LAMC1: variants seen among roughly 807,000 people sequenced by gnomAD.
LAMC1 encodes the protein laminin subunit gamma 1, also known as laminin subunit gamma-1.
In LAMC1, 38 loss-of-function variants were observed where a neutral mutation model predicts 173.6. That is an observed-to-expected ratio of 0.22 (90% CI 0.17 to 0.29). LAMC1 has a LOEUF of 0.29. LAMC1 is among the 10% of genes least tolerant of loss of function. The probability of loss-of-function intolerance (pLI) is 1.00; values close to 1 mark genes in which losing one functional copy is unlikely to be tolerated. For missense variants in LAMC1, 1,824 were observed against 2,051.8 expected (o/e 0.89, Z 2.14); for synonymous variants, 746 against 749.1 (o/e 1.00, Z 0.07).
At chr1:183,075,005 A>G (rs1409614725) in intron 1 of LAMC1, among the ~76,000 whole-genome samples, 2 of 152,130 alleles carry the variant, frequency 1.3e-5, no homozygotes, top group African/African-American at 4.8e-5. Flanking sequence ...AGATTTGCCC[A>G]CTGCTTATAT....
chr1:183,132,329 A>G, intron 20 of LAMC1, 71 bp from the exon 21 acceptor site: 1 of 1,008,558 alleles, frequency 9.9e-7, no homozygotes, highest in Non-Finnish European at 1.5e-6. Context: ...TAAAGTAAGC[A>G]TTACCTGAAT....
intron 1 of LAMC1, among the ~76,000 whole-genome samples, chr1:183,052,264 A>G (rs1005486197): frequency 1.3e-5 from 2 of 151,510 alleles, no homozygotes; most frequent in Non-Finnish European, 2.9e-5. Context: ...TCCTCTTCCC[A>G]TCTCTCCCAA....
chr1:183,055,641 A>G (rs1571412382), intron 1 of LAMC1, among the ~76,000 whole-genome samples: 1 of 151,898 alleles, frequency 6.6e-6, no homozygotes, highest in Admixed American at 6.6e-5. Flanking sequence ...GTGAAACCCC[A>G]TCTGTACTAA....
chr1:183,075,899 G>A (rs1293344420), intron 1 of LAMC1, among the ~76,000 whole-genome samples: 1 of 152,110 alleles, frequency 6.6e-6, no homozygotes, highest in Non-Finnish European at 1.5e-5. Flanking sequence ...TTGAGTTCTG[G>A]GTATTTGAAA....
At chr1:183,133,600 C>T in intron 22 of LAMC1, 50 bp downstream of exon 22, 2 of 1,534,750 alleles carry the variant, frequency 1.3e-6, no homozygotes, top group Non-Finnish European at 1.8e-6. Flanking sequence ...TCCCCCAAGT[C>T]TATGTGAGAG....
At chr1:183,111,431 A>C (rs1236302079) in intron 4 of LAMC1, among the ~76,000 whole-genome samples, 17 of 152,128 alleles carry the variant, frequency 1.1e-4, no homozygotes, top group Admixed American at 1.1e-3. Context: ...ATCTCACTGA[A>C]GAGTACAACG....
At chr1:183,055,811 CAAAAAAAAGAA>C (rs1654575944) in intron 1 of LAMC1, among the ~76,000 whole-genome samples, 1 of 143,026 alleles carries the variant, frequency 7.0e-6, no homozygotes, top group African/African-American at 2.6e-5. Flanking sequence ...GACTCCGTCT[CAAAAAAAAGAA>C]AAAAAAAAGA....
At chr1:183,096,938 C>T (rs1445477492) in intron 1 of LAMC1, among the ~76,000 whole-genome samples, 1 of 152,208 alleles carries the variant, frequency 6.6e-6, no homozygotes, top group Non-Finnish European at 1.5e-5. Flanking sequence ...GGAGTGACTG[C>T]ACTGTACCAG....
chr1:183,090,301 A>G (rs1331010252), intron 1 of LAMC1, among the ~76,000 whole-genome samples: 1 of 152,224 alleles, frequency 6.6e-6, no homozygotes, highest in East Asian at 1.9e-4. Flanking sequence ...GGGGGATTAC[A>G]TACATTTTAG....
At chr1:183,107,596 C>T (rs953648839) in intron 2 of LAMC1, among the ~76,000 whole-genome samples, 168 of 152,120 alleles carry the variant, frequency 1.1e-3, no homozygotes, top group African/African-American at 4.0e-3. Flanking sequence ...TTTGGGAGGC[C>T]GAGGCGGGTG....
At chr1:183,025,315 C>T (rs1653657904) in intron 1 of LAMC1, among the ~76,000 whole-genome samples, 1 of 139,182 alleles carries the variant, frequency 7.2e-6, no homozygotes, top group Admixed American at 7.7e-5. Flanking sequence ...ATCAGGATTC[C>T]AGAGAAAGAA....
chr1:183,127,274 A>G lies in LAMC1; in HGVS notation c.2993A>G (p.Asp998Gly). Reference protein sequence around the residue: ...EGSLSLQCKDDGRCECREGFV... With the variant: ...EGSLSLQCKDGGRCECREGFV... ...TCTCTTTCACTTCAGTGCAAAGATG[A>G]TGGTCGCTGTGAATGCAGAGAAGGC... The change falls in exon 17 of 28, where the codon GAT becomes GGT. Residue 998 changes from aspartate (D) to glycine (G), a missense_variant. Asp to Gly is a moderately conservative substitution (Grantham distance 94). Coordinates refer to ENST00000258341, the MANE Select transcript of LAMC1 (RefSeq NM_002293.4). 1 of 1,614,184 alleles carries G rather than the reference A, an allele frequency of 6.2e-7. No homozygotes were observed. The highest frequency in any genetic ancestry group is 8.5e-7 in the Non-Finnish European group (1 of 1,180,034).
In LAMC1 at chr1:183,110,654, C is replaced by T. The variant is rs1656122903; in HGVS notation, c.1021C>T (p.Pro341Ser). Residue 341 changes from proline to serine, a missense_variant and splice_region_variant, in exon 4 of 28, where the codon CCC (proline) becomes TCC (serine). Transcript: ENST00000258341. ...ATAESASECL[P>S]CDCNGRSQEC... ...TGCGGAAAGTGCCAGTGAATGCCTG[C>T]GTGAGTGCCCCATGACGTCAGTCTG... is the stretch of plus-strand genomic sequence containing the variant. The T allele has an allele frequency of 7.4e-6, 12 of 1,613,204 alleles. No homozygotes were observed. The highest frequency in any genetic ancestry group is 3.3e-5 in the Admixed American group (2 of 59,978).
chr1:183,067,057 G>A (rs1209544541), intron 1 of LAMC1, among the ~76,000 whole-genome samples: 2 of 152,150 alleles, frequency 1.3e-5, no homozygotes, highest in African/African-American at 4.8e-5. Context: ...TAGCTTTTCT[G>A]AAGTTATGCA....
At chr1:183,125,102 C>A in intron 14 of LAMC1, 1 of 599,488 alleles carries the variant, frequency 1.7e-6, no homozygotes, top group Non-Finnish European at 2.9e-6. Context: ...GAAATGAATA[C>A]TAATGTATTT....
chr1:183,134,239 A>AGGT (rs1260902113), intron 22 of LAMC1, among the ~76,000 whole-genome samples: 1 of 152,202 alleles, frequency 6.6e-6, no homozygotes, highest in Non-Finnish European at 1.5e-5. Flanking sequence ...ATAAAGGTTT[A>AGGT]GGTCTCTTTA....
rs56152259 is a variant in LAMC1 at position 183,140,245 on chromosome 1, C to CAAAAAAAAAAAAAAA, written c.4474-153_4474-139dup. 7.2e-3 allele frequency among the ~76,000 whole-genome samples: 378 copies of CAAAAAAAAAAAAAAA among 52,766 alleles called. 40 individuals carry two copies. The highest frequency in any genetic ancestry group is 0.018 in the Middle Eastern group (1 of 56). The allele number at this position is 52,766 out of a possible 152,430, so 34.6% of individuals were successfully genotyped here. A position where few individuals can be genotyped will look rare whatever the true frequency, so the allele number is the denominator to read the frequency against. On this transcript the variant is annotated intron_variant, in intron 26 of 27. Coordinates refer to ENST00000258341, the MANE Select transcript of LAMC1 (RefSeq NM_002293.4). ...ATATGAAGATATGCAGCAGCCCCAC[C>CAAAAAAAAAAAAAAA]AAAAAAAAAAAAAAAAAAAAGCAAT...
At chr1:183,118,230 CTAATAATA>C (rs1656375992) in intron 11 of LAMC1, 84 bp downstream of exon 11, 1 of 770,448 alleles carries the variant, frequency 1.3e-6, no homozygotes, top group Admixed American at 2.2e-5. Context: ...TTTCTCTTTC[CTAATAATA>C]TAACACTGAG....
At chr1:183,049,722 T>C (rs6668980) in intron 1 of LAMC1, among the ~76,000 whole-genome samples, 76,081 of 151,708 alleles carry the variant, frequency 0.5, 19,719 homozygotes, top group South Asian at 0.64. Context: ...CCTTGGCCTC[T>C]GAGAGTGCTG....
Sources: gnomAD v4.1 joint callset for allele counts (sites outside exome capture counted in the v4.1 genomes callset) on GRCh38, gnomAD v4.1.1 for gene constraint, MANE v1.5 for transcripts, NCBI Gene and HGNC (gene_info 2026-07-23, HGNC 2026-07-21) for gene names.